The following POR variants were observed in gnomAD, a reference collection of about 807,000 sequenced individuals.
The protein encoded by POR is NADPH--cytochrome P450 reductase.
A neutral mutation model predicts 84.0 loss-of-function variants in POR; 56 were observed. The ratio of observed to expected loss-of-function variants is 0.67; its 90% CI spans 0.54 to 0.83. POR has a LOEUF of 0.83. Among genes scored for constraint, POR ranks in the 40% least tolerant of loss-of-function variants. The pLI, the probability that POR is intolerant of heterozygous loss-of-function variation, is 0.00. For synonymous variants in POR, 414 were observed against 400.5 expected (o/e 1.03, Z -0.40); for missense variants, 938 against 944.3 (o/e 0.99, Z 0.09).
rs187421577 is a variant in POR at position 75,934,066 on chromosome 7, C to T, written c.-5+18887C>T. 2.3e-3 allele frequency among the ~76,000 whole-genome samples: 327 copies of T among 143,316 alleles called. 4 individuals carry two copies. The highest frequency in any genetic ancestry group is 8.2e-3 in the African/African-American group (316 of 38,586). The allele number at this position is 143,316 out of a possible 152,430, so 94.0% of individuals were successfully genotyped here. A position where few individuals can be genotyped will look rare whatever the true frequency, so the allele number is the denominator to read the frequency against. ...ATCATAGAGTTTCTTTACATTTTGC[C>T]GTTAATATCTTTTACATCAGAAAAA... On this transcript the variant is annotated intron_variant, in intron 1 of 15. Coordinates refer to ENST00000461988, the MANE Select transcript of POR (RefSeq NM_000941.3).
intron 3 of POR, among the ~76,000 whole-genome samples, chr7:75,974,651 T>A (rs1320146351): frequency 6.6e-6 from 1 of 150,702 alleles, no homozygotes; most frequent in African/African-American, 2.4e-5. Flanking sequence ...CTCATTCTCC[T>A]GAGTAGCTGG....
At chr7:75,942,745 G>A (rs1222744882) in intron 1 of POR, among the ~76,000 whole-genome samples, 1 of 151,754 alleles carries the variant, frequency 6.6e-6, no homozygotes, top group Non-Finnish European at 1.5e-5. Context: ...ATTGTATGGC[G>A]CAGGTTGACA....
At chr7:75,932,181 TC>T (rs1807452282) in intron 1 of POR, among the ~76,000 whole-genome samples, 1 of 150,098 alleles carries the variant, frequency 6.7e-6, no homozygotes, top group Non-Finnish European at 1.5e-5. Flanking sequence ...ATTCAGAAAT[TC>T]TTTTTTTTTT....
At chr7:75,972,289 A>C in intron 2 of POR, 124 bp from the exon 3 acceptor site, 1 of 859,334 alleles carries the variant, frequency 1.2e-6, no homozygotes, top group South Asian at 1.5e-5. Context: ...ACAAAGCTGG[A>C]ATGTCCCCTC....
At chr7:75,984,146 G>C (rs1048310488) in intron 10 of POR, among the ~76,000 whole-genome samples, 1 of 152,220 alleles carries the variant, frequency 6.6e-6, no homozygotes, top group Non-Finnish European at 1.5e-5. Flanking sequence ...CATGGCCACT[G>C]TGTCCTGCTG....
chr7:75,931,225 C>T (rs890233273), intron 1 of POR, among the ~76,000 whole-genome samples: 1 of 152,144 alleles, frequency 6.6e-6, no homozygotes, highest in African/African-American at 2.4e-5. Context: ...TGAAATGTTA[C>T]TCAGGCATGA....
intron 2 of POR, among the ~76,000 whole-genome samples, chr7:75,959,482 G>A (rs1787838304): frequency 6.6e-6 from 1 of 152,172 alleles, no homozygotes; most frequent in South Asian, 2.1e-4. Context: ...TAGAGACACG[G>A]TCTCGCCCTG....
chr7:75,925,044 G>C (rs1807050180), intron 1 of POR, among the ~76,000 whole-genome samples: 1 of 152,160 alleles, frequency 6.6e-6, no homozygotes, highest in Non-Finnish European at 1.5e-5. Context: ...TGAAAGCTGA[G>C]AGCCTAGTAA....
intron 2 of POR, among the ~76,000 whole-genome samples, chr7:75,955,543 A>G (rs1187476550): frequency 6.6e-6 from 1 of 152,196 alleles, no homozygotes; most frequent in Non-Finnish European, 1.5e-5. Flanking sequence ...GGGACCTGCC[A>G]GGTCAGGTCT....
chr7:75,961,461 C>G (rs1204024667), intron 2 of POR, among the ~76,000 whole-genome samples: 1 of 152,056 alleles, frequency 6.6e-6, no homozygotes, highest in African/African-American at 2.4e-5. Flanking sequence ...CTCTGCAGTG[C>G]CCCCTGCACC....
intron 12 of POR, 134 bp from the exon 13 acceptor site, chr7:75,985,445 C>A: frequency 8.3e-7 from 1 of 1,207,142 alleles, no homozygotes; most frequent in Non-Finnish European, 1.1e-6. Context: ...GGGGAGGGGG[C>A]CTCTGAGGTT....
At chr7:75,932,706 A>T (rs1389261047) in intron 1 of POR, among the ~76,000 whole-genome samples, 2 of 151,978 alleles carry the variant, frequency 1.3e-5, no homozygotes, top group African/African-American at 4.8e-5. Flanking sequence ...ACAAAATTAT[A>T]TGTAGTATAA....
At chr7:75,925,106 C>A (rs1158741403) in intron 1 of POR, among the ~76,000 whole-genome samples, 1 of 152,186 alleles carries the variant, frequency 6.6e-6, no homozygotes, top group Non-Finnish European at 1.5e-5. Context: ...TCCAGGGAAG[C>A]TCTTGTGGTT....
chr7:75,985,920 C>T lies in POR; in HGVS notation c.1670-3C>T, dbSNP rs781938107. On this transcript the variant is annotated splice_polypyrimidine_tract_variant and splice_region_variant and intron_variant, in intron 13 of 15. Transcript: ENST00000461988. ...CGCGCTCACCCCGGCCCCTGCCACG[C>T]AGGCAAGGAGGTGGGGGAGACGCTG... 8.2e-6 allele frequency: 13 copies of T among 1,579,262 alleles called. No individual in the cohort carries two copies. In the Admixed American group the frequency reaches 2.3e-4, roughly 28 times the overall value.
At chr7:75,916,318 A>G (rs1806565861) in intron 1 of POR, among the ~76,000 whole-genome samples, 1 of 152,186 alleles carries the variant, frequency 6.6e-6, no homozygotes. Flanking sequence ...TCACTGCTGT[A>G]ATTCCTTGGG....
chr7:75,935,168 A>AC (rs1554550640), intron 1 of POR, among the ~76,000 whole-genome samples: 1 of 152,112 alleles, frequency 6.6e-6, no homozygotes, highest in Non-Finnish European at 1.5e-5. Context: ...CACCCTTCGC[A>AC]CCAGCACGCC....
In POR at chr7:75,986,036, A is replaced by T. The variant is rs1554559315; in HGVS notation, c.1783A>T (p.Asn595Tyr). The change falls in exon 14 of 16, where the codon AAC becomes TAC. Residue 595 changes from asparagine (N) to tyrosine (Y), a missense_variant. By Grantham distance (143) the Asn-to-Tyr change is moderately radical. Coordinates refer to ENST00000461988, the MANE Select transcript of POR (RefSeq NM_000941.3). ...CAGGGACGGTGCGCTCACCCAGCTC[A>T]ACGTGGCCTTCTCCCGGGAGCAGTC... The T allele has an allele frequency of 6.4e-7, 1 of 1,560,930 alleles. No homozygotes were observed. The highest frequency in any genetic ancestry group is 1.9e-5 in the Admixed American group (1 of 51,792).
At chr7:75,918,009 T>A (rs1269430970) in intron 1 of POR, among the ~76,000 whole-genome samples, 1 of 151,536 alleles carries the variant, frequency 6.6e-6, no homozygotes, top group African/African-American at 2.4e-5. Flanking sequence ...ATAAAAAAAA[T>A]ACAAATACAA....
chr7:75,953,996 A>T lies in POR; in HGVS notation c.4A>T (p.Ile2Phe), dbSNP rs1554553312. ...GTTTCTGTCTCCTAACAGTTTCATGATCAACATGGGAGACTCCCACGTGGA... is the reference window on the plus strand; with the variant it reads ...GTTTCTGTCTCCTAACAGTTTCATGTTCAACATGGGAGACTCCCACGTGGA... The change falls in exon 2 of 16, where the codon ATC becomes TTC. Residue 2 changes from isoleucine to phenylalanine, a missense_variant. By Grantham distance (21) the Ile-to-Phe change is conservative. Coordinates refer to ENST00000461988, the MANE Select transcript of POR (RefSeq NM_000941.3). 1 of 1,587,926 alleles carries T rather than the reference A, an allele frequency of 6.3e-7. No individual in the cohort carries two copies. Among genetic ancestry groups the T allele is most frequent in the Admixed American group, 1.8e-5 (1 of 56,156 alleles).
Sources: allele counts gnomAD v4.1 joint callset (sites outside exome capture counted in the v4.1 genomes callset), GRCh38; gene constraint gnomAD v4.1.1; transcripts MANE v1.5; gene names NCBI Gene and HGNC (gene_info 2026-07-23, HGNC 2026-07-21).